The following SYT10 variants were observed in gnomAD, a reference collection of about 807,000 sequenced individuals.
The protein encoded by SYT10 is synaptotagmin-10.
A neutral mutation model predicts 51.1 loss-of-function variants in SYT10; 31 were observed. That is an observed-to-expected ratio of 0.61 (90% CI 0.46 to 0.82). SYT10 has a LOEUF of 0.82. Among genes scored for constraint, SYT10 ranks in the 40% least tolerant of loss-of-function variants. The pLI is 0.00. For missense variants in SYT10, 603 were observed against 634.0 expected (o/e 0.95, Z 0.53); for synonymous variants, 233 against 225.9 (o/e 1.03, Z -0.28).
Position 33,387,223 on chromosome 12 carries a change from C to T in SYT10, c.1078-1932G>A, listed in dbSNP as rs549368294. On this transcript the variant is annotated intron_variant, in intron 3 of 6. Transcript: ENST00000228567. Reference sequence around the variant, plus strand: ...ATTTCTTTATTCATGGTCTAGAAGTCGTACAGACCAGTAATTCAGAGAAAA... The same window carrying T: ...ATTTCTTTATTCATGGTCTAGAAGTTGTACAGACCAGTAATTCAGAGAAAA... 6.2e-4 allele frequency among the ~76,000 whole-genome samples: 95 copies of T among 152,230 alleles called. 1 individual carries two copies. The highest frequency in any genetic ancestry group is 2.1e-3 in the African/African-American group (86 of 41,556).
In SYT10 at chr12:33,435,993, T is replaced by C. The variant is rs190972582; in HGVS notation, c.151+3379A>G. On this transcript the variant is annotated intron_variant, in intron 1 of 6. Coordinates refer to ENST00000228567, the MANE Select transcript of SYT10 (RefSeq NM_198992.4). ...TGTGTAAACATGCAAAATTAGAACA[T>C]TGATGAATGAAATGCTTATGAAAAT... Among the ~76,000 whole-genome samples, 18 of 152,300 alleles carry C rather than the reference T, an allele frequency of 1.2e-4. No individual in the cohort carries two copies. The East Asian group carries it at 1.9e-3, about 16-fold the overall frequency.
chr12:33,426,061 T>TAC, intron 2 of SYT10, 77 bp downstream of exon 2: 1 of 1,249,674 alleles, frequency 8.0e-7, no homozygotes, highest in Non-Finnish European at 1.1e-6. Context: ...CTTATGAAAT[T>TAC]TCACACACAC....
chr12:33,381,192 C>G (rs541074834), intron 5 of SYT10, among the ~76,000 whole-genome samples: 17 of 152,174 alleles, frequency 1.1e-4, no homozygotes, highest in African/African-American at 4.1e-4. Flanking sequence ...TTCAAGAGTT[C>G]GCTCTCTCTT....
chr12:33,424,629 T>C (rs1866533959), intron 2 of SYT10, among the ~76,000 whole-genome samples: 1 of 151,990 alleles, frequency 6.6e-6, no homozygotes, highest in Non-Finnish European at 1.5e-5. Flanking sequence ...GAGACCAATG[T>C]CTTGGAAAAA....
At chr12:33,384,169 A>G (rs1565490642) in intron 4 of SYT10, among the ~76,000 whole-genome samples, 1 of 152,116 alleles carries the variant, frequency 6.6e-6, no homozygotes, top group South Asian at 2.1e-4. Flanking sequence ...TAGTTTTTGT[A>G]TATCACTTCA....
intron 2 of SYT10, among the ~76,000 whole-genome samples, chr12:33,419,917 T>A (rs1253449111): frequency 3.3e-5 from 5 of 152,202 alleles, no homozygotes; most frequent in Non-Finnish European, 7.3e-5. Context: ...ATCCAAGAAC[T>A]TATTTTTTAG....
At chr12:33,436,826 C>T (rs1866641752) in intron 1 of SYT10, among the ~76,000 whole-genome samples, 2 of 152,152 alleles carry the variant, frequency 1.3e-5, no homozygotes, top group Non-Finnish European at 2.9e-5. Flanking sequence ...ACAACCAATA[C>T]CATCTGGGCA....
chr12:33,391,745 A>G (rs771343599), intron 3 of SYT10, among the ~76,000 whole-genome samples: 2 of 152,172 alleles, frequency 1.3e-5, no homozygotes, highest in Non-Finnish European at 2.9e-5. Flanking sequence ...GCCAGAAAAC[A>G]TACTACTTTT....
rs1866670324 is a variant in SYT10 at position 33,439,766 on chromosome 12, T to C, written c.-244A>G. On this transcript the variant is annotated 5_prime_UTR_variant, in exon 1 of 7. Transcript: ENST00000228567. ...GCTGCCGCGAGGTTTGCGCCAACTC[T>C]CCCGCCGCGCGAGCGAGCCGAGGCG... 1 of 495,012 alleles carries C rather than the reference T, an allele frequency of 2.0e-6. No homozygotes were observed. Among genetic ancestry groups the C allele is most frequent in the African/African-American group, 2.0e-5 (1 of 50,452 alleles). 30.7% of individuals were successfully genotyped at this position (495,012 alleles called of 1,614,324 possible).
chr12:33,432,259 G>A (rs1374037370), intron 1 of SYT10: 1 of 151,982 alleles, frequency 6.6e-6, no homozygotes, highest in Non-Finnish European at 1.5e-5. Flanking sequence ...AAATAATGGT[G>A]CATCTTATAA....
chr12:33,393,442 A>G (rs1866227577), intron 3 of SYT10, among the ~76,000 whole-genome samples: 1 of 152,210 alleles, frequency 6.6e-6, no homozygotes, highest in South Asian at 2.1e-4. Flanking sequence ...TGATGCTTTT[A>G]AATATTTTTA....
chr12:33,380,040 A>G, intron 5 of SYT10, 79 bp from the exon 6 acceptor site: 1 of 1,460,208 alleles, frequency 6.8e-7, no homozygotes, highest in Non-Finnish European at 9.3e-7. Context: ...GTAGAATTTT[A>G]AAAATATGAT....
At chr12:33,382,320 C>G (rs766243413) in intron 5 of SYT10, 29 bp downstream of exon 5, 23 of 1,509,410 alleles carry the variant, frequency 1.5e-5, no homozygotes, top group African/African-American at 1.4e-5. Flanking sequence ...GACATGGCTG[C>G]TCTTCAGTGA....
At chr12:33,403,586 G>A (rs985308077) in intron 3 of SYT10, among the ~76,000 whole-genome samples, 2 of 152,064 alleles carry the variant, frequency 1.3e-5, no homozygotes, top group African/African-American at 4.8e-5. Context: ...ACTCTTTTAT[G>A]TCTGTGTCTG....
chr12:33,389,753 T>A (rs1172156492), intron 3 of SYT10, among the ~76,000 whole-genome samples: 1 of 152,176 alleles, frequency 6.6e-6, no homozygotes, highest in Non-Finnish European at 1.5e-5. Context: ...AGAAAACAGA[T>A]GATTTTCTTC....
intron 1 of SYT10, among the ~76,000 whole-genome samples, chr12:33,433,892 G>C (rs1182821586): frequency 6.6e-6 from 1 of 152,066 alleles, no homozygotes; most frequent in African/African-American, 2.4e-5. Context: ...GTTAAACCTA[G>C]GCTAAAATCT....
intron 2 of SYT10, among the ~76,000 whole-genome samples, chr12:33,422,615 C>T (rs1211431478): frequency 1.3e-5 from 2 of 151,914 alleles, no homozygotes; most frequent in East Asian, 3.9e-4. Flanking sequence ...TTTTTGATCA[C>T]AGTACCTTAT....
intron 3 of SYT10, among the ~76,000 whole-genome samples, chr12:33,395,868 C>A (rs1591985965): frequency 6.6e-6 from 1 of 151,736 alleles, no homozygotes; most frequent in Non-Finnish European, 1.5e-5. Flanking sequence ...CAAGAAAATT[C>A]ATTTCTTTTC....
intron 3 of SYT10, among the ~76,000 whole-genome samples, chr12:33,391,354 G>A (rs1325818053): frequency 6.6e-6 from 1 of 152,102 alleles, no homozygotes; most frequent in Non-Finnish European, 1.5e-5. Context: ...TGACGATCTA[G>A]GAGGGCATTA....
Sources: allele counts gnomAD v4.1 joint callset (sites outside exome capture counted in the v4.1 genomes callset), GRCh38; gene constraint gnomAD v4.1.1; transcripts MANE v1.5; gene names NCBI Gene and HGNC (gene_info 2026-07-23, HGNC 2026-07-21).